CEP290: variants seen among roughly 807,000 people sequenced by gnomAD.
CEP290 encodes centrosomal protein of 290 kDa.
CEP290 carries 317 observed loss-of-function variants against 344.9 expected under a neutral mutation model. The observed-to-expected ratio is 0.92, with a 90% confidence interval of 0.84 to 1.01. The LOEUF (loss-of-function observed/expected upper bound fraction) is 1.01. Ranked by LOEUF, CEP290 falls within the 50% of genes least tolerant of loss-of-function variation. CEP290 has a pLI of 0.00. For synonymous variants in CEP290, 932 were observed against 895.8 expected (o/e 1.04, Z -0.72); for missense variants, 2,754 against 2,761.4 (o/e 1.00, Z 0.06).
chr12:88,049,197 A>T lies in CEP290; in HGVS notation c.7427T>A (p.Phe2476Tyr), dbSNP rs759043556. 2 of 1,588,768 alleles carry T rather than the reference A, an allele frequency of 1.3e-6. No homozygotes were observed. Among genetic ancestry groups the T allele is most frequent in the Non-Finnish European group, 1.7e-6 (2 of 1,170,260 alleles). Residue 2476 changes from phenylalanine to tyrosine, a missense_variant, in exon 54 of 54, where the codon TTC (phenylalanine) becomes TAC (tyrosine). By Grantham distance (22) the Phe-to-Tyr change is conservative. Transcript: ENST00000552810. Reference sequence around the variant, plus strand: ...TATAGGTGACCTTTAGTAAATGGGGAAATTAACAGGACTTTCTTCTTCATC... The same window carrying T: ...TATAGGTGACCTTTAGTAAATGGGGTAATTAACAGGACTTTCTTCTTCATC... ...FEDEEESPVN[F>Y]PIY
chr12:88,071,976 T>A lies in CEP290; in HGVS notation c.5710-50A>T. On this transcript the variant is annotated intron_variant, in intron 41 of 53. Transcript: ENST00000552810. ...GAAAATTACCAGTGTTATTTTAAAT[T>A]TTCTTTATGATTTATCAATTATAAT... 2.1e-6 allele frequency: 3 copies of A among 1,457,220 alleles called. No homozygotes were observed. In the South Asian group the frequency reaches 4.2e-5, roughly 20 times the overall value. 90.3% of individuals were successfully genotyped at this position (1,457,220 alleles called of 1,614,324 possible).
chr12:88,053,625 G>T, intron 52 of CEP290, 27 bp downstream of exon 52: 1 of 1,200,312 alleles, frequency 8.3e-7, no homozygotes, highest in East Asian at 2.6e-5. Flanking sequence ...CTTGGGGGTA[G>T]CTAACATGTT....
At chr12:88,055,111 C>T (rs2033890717) in intron 50 of CEP290, among the ~76,000 whole-genome samples, 1 of 152,088 alleles carries the variant, frequency 6.6e-6, no homozygotes, top group African/African-American at 2.4e-5. Flanking sequence ...TGGAGAACCA[C>T]TGGAAGATTC....
chr12:88,107,013 T>A lies in CEP290; in HGVS notation c.2569A>T (p.Lys857Ter), dbSNP rs1168542133. 1.3e-6 allele frequency: 2 copies of A among 1,549,214 alleles called. No homozygotes were observed. The highest frequency in any genetic ancestry group is 4.7e-5 in the East Asian group (2 of 42,516). ...LEDQVQQDAI[K>*]VKEYNNLLNA... ...TTACTTACATTATATTCTTTTACTT[T>A]TATAGCATCTTGTTGGACTTGATCC... The change falls in exon 24 of 54, where the codon AAA (lysine) becomes TAA (stop). Residue 857 changes from lysine (K) to a stop codon, truncating the protein, a stop_gained. Transcript: ENST00000552810. LOFTEE classifies it high-confidence loss of function.
At position 88,089,063 on chromosome 12, in the gene CEP290, C is replaced by T. The variant is rs1321486985; in HGVS notation, c.3998G>A (p.Ser1333Asn). 10 of 1,522,404 alleles carry T rather than the reference C, an allele frequency of 6.6e-6. No individual in the cohort carries two copies. Among genetic ancestry groups the T allele is most frequent in the Non-Finnish European group, 7.9e-6 (9 of 1,139,808 alleles). 94.3% of individuals were successfully genotyped at this position (1,522,404 alleles called of 1,614,324 possible). ...GGCTCCTTTGGTATCCTTTAAAGTG[C>T]TTATTAACTCTTCCAGGCCCTTTAA... ...LKLKGLEELI[S>N]TLKDTKGAQK... The change falls in exon 31 of 54, where the codon AGC becomes AAC. Residue 1333 changes from serine (S) to asparagine (N), a missense_variant. Coordinates refer to ENST00000552810, the MANE Select transcript of CEP290 (RefSeq NM_025114.4).
At chr12:88,130,038 A>T (rs2039970653) in intron 9 of CEP290, among the ~76,000 whole-genome samples, 162 bp from the exon 10 acceptor site, 1 of 152,060 alleles carries the variant, frequency 6.6e-6, no homozygotes, top group Non-Finnish European at 1.5e-5. Flanking sequence ...AATTGAATCA[A>T]GAAAATAGTA....
chr12:88,139,675 A>C (rs1592702232), intron 3 of CEP290, 111 bp from the exon 4 acceptor site: 1 of 753,338 alleles, frequency 1.3e-6, no homozygotes. Flanking sequence ...AATGGCTGGC[A>C]CATGGAGACG....
chr12:88,120,822 G>A (rs2039354350), intron 14 of CEP290, among the ~76,000 whole-genome samples, 175 bp downstream of exon 14: 1 of 152,076 alleles, frequency 6.6e-6, no homozygotes, highest in Non-Finnish European at 1.5e-5. Flanking sequence ...AACAATTCTG[G>A]CAAAAAGTAA....
chr12:88,090,878 AC>A, intron 29 of CEP290, 39 bp from the exon 30 acceptor site: 1 of 1,294,266 alleles, frequency 7.7e-7, no homozygotes, highest in African/African-American at 1.5e-5. Flanking sequence ...AATTAAGTAC[AC>A]TTTCTAAGTA....
At position 88,141,338 on chromosome 12, in the gene CEP290, T is replaced by C. The variant is rs1006593181; in HGVS notation, c.-27-4A>G. 3.5e-6 allele frequency: 5 copies of C among 1,436,320 alleles called. No individual in the cohort carries two copies. In the African/African-American group the frequency reaches 7.1e-5, roughly 20 times the overall value. The allele number at this position is 1,436,320 out of a possible 1,614,324, so 89.0% of individuals were successfully genotyped here. The stretch of plus-strand genomic sequence containing the variant: ...ATTCTTTCACTGTGCTCCACCTCTG[T>C]AACAAAACAGGTGTATATTAGCATT... On this transcript the variant is annotated splice_polypyrimidine_tract_variant and splice_region_variant and intron_variant, in intron 1 of 53. Transcript: ENST00000552810.
rs2137254010 is a variant in CEP290 at position 88,088,069 on chromosome 12, T to C, written c.4030-125A>G. 2.0e-5 allele frequency: 8 copies of C among 405,296 alleles called. No homozygotes were observed. In the East Asian group the frequency reaches 3.0e-4, roughly 15 times the overall value. The allele number at this position is 405,296 out of a possible 1,614,324, so 25.1% of individuals were successfully genotyped here. A position where few individuals can be genotyped will look rare whatever the true frequency, so the allele number is the denominator to read the frequency against. ...TAAAATAAAATAAGACACAATGTTA[T>C]CTTTTGTCAAACTACATGACAAAAT... On this transcript the variant is annotated intron_variant, in intron 31 of 53. Transcript: ENST00000552810.
rs1475139450 is a variant in CEP290 at position 88,118,513 on chromosome 12, G to A, written c.1681C>T (p.Gln561Ter). The change falls in exon 17 of 54, where the codon CAA becomes TAA. Residue 561 changes from glutamine (Q) to a stop codon, truncating the protein, a stop_gained. Coordinates refer to ENST00000552810, the MANE Select transcript of CEP290 (RefSeq NM_025114.4). LOFTEE classifies it high-confidence loss of function. ...DLKKKIRQMA[Q>*]ERGKRSATSG... ...GTTGCACTTCTTTTTCCTCTTTCTTGAGCCATTTGACGAATTTTTTTTTTC... is the reference window on the plus strand; with the variant it reads ...GTTGCACTTCTTTTTCCTCTTTCTTAAGCCATTTGACGAATTTTTTTTTTC... The A allele has an allele frequency of 3.2e-6, 5 of 1,566,948 alleles. No individual in the cohort carries two copies. Among genetic ancestry groups the A allele is most frequent in the Non-Finnish European group, 4.3e-6 (5 of 1,154,142 alleles).
In CEP290 at chr12:88,130,559, G is replaced by A. The variant is rs760856790; in HGVS notation, c.502C>T (p.Arg168Cys). 13 of 1,586,382 alleles carry A rather than the reference G, an allele frequency of 8.2e-6. No individual in the cohort carries two copies. The highest frequency in any genetic ancestry group is 2.3e-5 in the South Asian group (2 of 85,212). Residue 168 changes from arginine (R) to cysteine (C), a missense_variant, in exon 8 of 54, where the codon CGT (arginine) becomes TGT (cysteine). By Grantham distance (180) the Arg-to-Cys change is radical. Transcript: ENST00000552810. ...TAAAGCCTCACCTTTTTCTTTAGAC[G>A]TTTGTTCTACAGAAAAGGACAGGAA... ...ENSKLRRENK[R>C]LKKKNEQLCQ...
At chr12:88,135,953 G>T (rs965131339) in intron 6 of CEP290, 1 of 151,962 alleles carries the variant, frequency 6.6e-6, no homozygotes, top group Non-Finnish European at 1.5e-5. Context: ...GGAAGCTGAG[G>T]TAAAATAGGA....
chr12:88,050,353 CCTTCAAATGCTG>C lies in CEP290; in HGVS notation c.7198_7209del (p.Gln2400_Lys2403del). On this transcript the variant is annotated inframe_deletion and splice_region_variant, in exon 53 of 54. Coordinates refer to ENST00000552810, the MANE Select transcript of CEP290 (RefSeq NM_025114.4). ...GATACTAAAATATAATTAAATATTA[CCTTCAAATGCTG>C]CTTTTCTAGATCTGACATTTTGAGC... 1 of 1,437,122 alleles carries C rather than the reference CCTTCAAATGCTG, an allele frequency of 7.0e-7. No homozygotes were observed. Among genetic ancestry groups the C allele is most frequent in the South Asian group, 1.2e-5 (1 of 81,218 alleles). The allele number at this position is 1,437,122 out of a possible 1,614,324, so 89.0% of individuals were successfully genotyped here. A position where few individuals can be genotyped will look rare whatever the true frequency, so the allele number is the denominator to read the frequency against.
rs1390621711 is a variant in CEP290, at chr12:88,141,697, A to G, written c.-28+203T>C. On this transcript the variant is annotated intron_variant, in intron 1 of 53. Coordinates refer to ENST00000552810, the MANE Select transcript of CEP290 (RefSeq NM_025114.4). Reference sequence around the variant, plus strand: ...CGACAATCATCCCTGATTTGGAGAAACAGAATTGGGGCTGAAAAAAAACGC... The same window carrying G: ...CGACAATCATCCCTGATTTGGAGAAGCAGAATTGGGGCTGAAAAAAAACGC... Among the ~76,000 whole-genome samples, 18 of 152,254 alleles carry G rather than the reference A, an allele frequency of 1.2e-4. 1 individual carries two copies. The highest frequency in any genetic ancestry group is 4.3e-4 in the African/African-American group (18 of 41,558).
chr12:88,130,527 C>T lies in CEP290; in HGVS notation c.516+18G>A, dbSNP rs1178014949. On this transcript the variant is annotated intron_variant, in intron 8 of 53. Transcript: ENST00000552810. The stretch of plus-strand genomic sequence containing the variant: ...CATATTTTAAATTCCCAAGATTTCA[C>T]CACACTTAAAGCCTCACCTTTTTCT... 1.3e-6 allele frequency: 2 copies of T among 1,594,322 alleles called. No homozygotes were observed. The highest frequency in any genetic ancestry group is 1.8e-5 in the Admixed American group (1 of 56,088).
Position 88,084,812 on chromosome 12 carries a change from T to C in CEP290, c.4478A>G (p.Gln1493Arg). ...TACTTTGTCTCTTGACAGTATATTT[T>C]GTTCTGCTAACCTTAAAGCAGATTC... ...EKESALRLAE[Q>R]NILSRDKVIN... The change falls in exon 35 of 54, where the codon CAA (glutamine) becomes CGA (arginine). Residue 1493 changes from glutamine to arginine, a missense_variant. Transcript: ENST00000552810. 13 of 1,607,040 alleles carry C rather than the reference T, an allele frequency of 8.1e-6. No homozygotes were observed. Among genetic ancestry groups the C allele is most frequent in the Non-Finnish European group, 1.1e-5 (13 of 1,177,106 alleles).
chr12:88,077,467 A>C (rs1401354748), intron 40 of CEP290, 123 bp from the exon 41 acceptor site: 3 of 715,718 alleles, frequency 4.2e-6, no homozygotes, highest in Non-Finnish European at 6.6e-6. Flanking sequence ...TCTAAATGAC[A>C]CTTAATACAT....
Sources: allele counts gnomAD v4.1 joint callset (sites outside exome capture counted in the v4.1 genomes callset), GRCh38; gene constraint gnomAD v4.1.1; transcripts MANE v1.5; gene names NCBI Gene and HGNC (gene_info 2026-07-23, HGNC 2026-07-21).